Variants in EDIL3 observed in about 807,000 individuals in gnomAD.
The protein encoded by EDIL3 is EGF-like repeat and discoidin I-like domain-containing protein 3.
EDIL3 carries 37 observed loss-of-function variants against 67.4 expected under a neutral mutation model. The ratio of observed to expected loss-of-function variants is 0.55; its 90% CI spans 0.42 to 0.72. The LOEUF is 0.72. EDIL3 is among the 30% of genes least tolerant of loss of function. The probability of loss-of-function intolerance (pLI) is 0.00; values close to 1 mark genes in which losing one functional copy is unlikely to be tolerated. For missense variants in EDIL3, 527 were observed against 586.3 expected, an observed-to-expected ratio of 0.90 and a Z score of 1.04; for synonymous variants, 195 against 196.3, an observed-to-expected ratio of 0.99 and a Z score of 0.05.
At chr5:84,203,867 C>T (rs548397106) in intron 3 of EDIL3, among the ~76,000 whole-genome samples, 81 of 152,156 alleles carry the variant, frequency 5.3e-4, no homozygotes, top group Non-Finnish European at 4.4e-4. Context: ...GTAAGGAAGG[C>T]GTATATCACA....
At chr5:84,307,133 C>T (rs1336563368) in intron 1 of EDIL3, among the ~76,000 whole-genome samples, 1 of 152,088 alleles carries the variant, frequency 6.6e-6, no homozygotes. Context: ...CGCAAGTGCA[C>T]ATCTGAAAAT....
At chr5:84,288,266 G>A (rs1474694712) in intron 1 of EDIL3, among the ~76,000 whole-genome samples, 1 of 151,974 alleles carries the variant, frequency 6.6e-6, no homozygotes, top group Admixed American at 6.6e-5. Flanking sequence ...CATCCAGAAT[G>A]TGACCATTTC....
chr5:84,087,643 T>C (rs1380512933), intron 6 of EDIL3, among the ~76,000 whole-genome samples: 4 of 152,230 alleles, frequency 2.6e-5, no homozygotes, highest in Admixed American at 6.5e-5. Flanking sequence ...TTGACGAGAA[T>C]ACAAAGAGAG....
chr5:84,041,575 ATG>A, intron 9 of EDIL3, among the ~76,000 whole-genome samples: 2 of 146,778 alleles, frequency 1.4e-5, no homozygotes, highest in African/African-American at 4.9e-5. Context: ...TAGTATATAT[ATG>A]TATATACTAT....
intron 9 of EDIL3, among the ~76,000 whole-genome samples, chr5:84,031,895 G>A (rs1745931451): frequency 6.6e-6 from 1 of 152,154 alleles, no homozygotes; most frequent in Non-Finnish European, 1.5e-5. Flanking sequence ...TGCTGGATAT[G>A]TTACCACAGA....
At chr5:84,174,878 T>C (rs1748875191) in intron 4 of EDIL3, among the ~76,000 whole-genome samples, 1 of 152,142 alleles carries the variant, frequency 6.6e-6, no homozygotes, top group African/African-American at 2.4e-5. Context: ...CTCCTCTGCA[T>C]ACCTGGCCCT....
intron 5 of EDIL3, among the ~76,000 whole-genome samples, chr5:84,135,389 G>A (rs1748073214): frequency 2.6e-5 from 4 of 152,124 alleles, no homozygotes; most frequent in Admixed American, 2.6e-4. Context: ...GTTCCTTCCT[G>A]GAAGGTTCTC....
At chr5:84,114,062 T>C (rs1018885976) in intron 5 of EDIL3, among the ~76,000 whole-genome samples, 3 of 152,092 alleles carry the variant, frequency 2.0e-5, no homozygotes, top group African/African-American at 7.2e-5. Flanking sequence ...TTTAGAGTTG[T>C]CTTGAGACCA....
At chr5:84,346,595 T>C (rs1282401594) in intron 1 of EDIL3, among the ~76,000 whole-genome samples, 1 of 152,184 alleles carries the variant, frequency 6.6e-6, no homozygotes, top group East Asian at 1.9e-4. Context: ...TTTCATTCCT[T>C]TTTTTCTGTT....
At chr5:84,303,057 G>A (rs2112132508) in intron 1 of EDIL3, among the ~76,000 whole-genome samples, 1 of 152,164 alleles carries the variant, frequency 6.6e-6, no homozygotes, top group South Asian at 2.1e-4. Context: ...ACATATCTTT[G>A]AGCCATTGGT....
intron 3 of EDIL3, among the ~76,000 whole-genome samples, chr5:84,214,489 A>G (rs1383961974): frequency 6.6e-6 from 1 of 151,560 alleles, no homozygotes; most frequent in Admixed American, 6.6e-5. Flanking sequence ...TCTTATTAAT[A>G]TTTTGTATTA....
intron 1 of EDIL3, among the ~76,000 whole-genome samples, chr5:84,320,177 T>TC (rs1207128854): frequency 6.6e-6 from 1 of 151,640 alleles, no homozygotes; most frequent in Non-Finnish European, 1.5e-5. Flanking sequence ...TGCACACCCC[T>TC]CCCCCAAAAA....
chr5:84,162,533 T>C lies in EDIL3; in HGVS notation c.355+17860A>G, dbSNP rs566697252. 2.7e-3 allele frequency among the ~76,000 whole-genome samples: 413 copies of C among 152,236 alleles called. 1 individual carries two copies. The highest frequency in any genetic ancestry group is 4.7e-3 in the Non-Finnish European group (318 of 67,988). ...TGTGCTTTGTGGGCTCTTTTTTTCC[T>C]GGGACAATGGAAGGTTCTGTGATGA... On this transcript the variant is annotated intron_variant, in intron 4 of 10. Coordinates refer to ENST00000296591, the MANE Select transcript of EDIL3 (RefSeq NM_005711.5).
chr5:84,240,441 A>G (rs1381449075), intron 2 of EDIL3, among the ~76,000 whole-genome samples: 1 of 152,180 alleles, frequency 6.6e-6, no homozygotes, highest in Non-Finnish European at 1.5e-5. Flanking sequence ...AGGGTCTCCA[A>G]CTTCCATGGG....
intron 1 of EDIL3, among the ~76,000 whole-genome samples, chr5:84,377,563 G>C (rs1390550739): frequency 6.6e-6 from 1 of 152,056 alleles, no homozygotes; most frequent in Admixed American, 6.5e-5. Flanking sequence ...AAATACAAGA[G>C]GGGATTTAAA....
chr5:83,948,279 G>T (rs1442280473), intron 10 of EDIL3, among the ~76,000 whole-genome samples: 2 of 151,644 alleles, frequency 1.3e-5, no homozygotes, highest in African/African-American at 2.4e-5. Flanking sequence ...ATAAGGGACA[G>T]ATGCTTATTA....
At chr5:84,278,339 C>T (rs755406361) in intron 1 of EDIL3, among the ~76,000 whole-genome samples, 5 of 152,132 alleles carry the variant, frequency 3.3e-5, no homozygotes, top group African/African-American at 9.7e-5. Context: ...CTTGAACATA[C>T]ATAGAGAGAA....
chr5:84,005,522 T>C (rs980337116), intron 9 of EDIL3, among the ~76,000 whole-genome samples: 2 of 152,160 alleles, frequency 1.3e-5, no homozygotes, highest in Non-Finnish European at 2.9e-5. Context: ...TGGTTCAACA[T>C]ACACATATCA....
intron 4 of EDIL3, among the ~76,000 whole-genome samples, chr5:84,153,380 T>C (rs986117091): frequency 1.3e-5 from 2 of 152,124 alleles, no homozygotes; most frequent in African/African-American, 4.8e-5. Context: ...CATTGCAACC[T>C]CCGCCTCCCA....
Sources: allele counts gnomAD v4.1 joint callset (sites outside exome capture counted in the v4.1 genomes callset), GRCh38; gene constraint gnomAD v4.1.1; transcripts MANE v1.5; gene names NCBI Gene and HGNC (gene_info 2026-07-23, HGNC 2026-07-21).